VTI1A: variants seen among roughly 807,000 people sequenced by gnomAD.
VTI1A encodes vesicle transport through interaction with t-SNAREs 1A.
In VTI1A, 22 loss-of-function variants were observed where a neutral mutation model predicts 34.9. The observed-to-expected ratio is 0.63, with a 90% CI of 0.45 to 0.90. The LOEUF is 0.90. Ranked by LOEUF, VTI1A falls within the 40% of genes least tolerant of loss-of-function variation. VTI1A has a pLI of 0.00. For synonymous variants in VTI1A, 87 were observed against 97.3 expected, an observed-to-expected ratio of 0.89 and a Z score of 0.62; for missense variants, 268 against 275.6, an observed-to-expected ratio of 0.97 and a Z score of 0.20.
intron 3 of VTI1A, among the ~76,000 whole-genome samples, chr10:112,479,666 G>C (rs1045663194): frequency 6.6e-6 from 1 of 152,036 alleles, no homozygotes; most frequent in Admixed American, 6.5e-5. Context: ...CCACCTTCCC[G>C]TAACTCATCC....
chr10:112,611,759 T>TTTTTTTTTTTTTTTTTTTTTGG (rs1845322951), intron 5 of VTI1A, among the ~76,000 whole-genome samples: 1 of 91,940 alleles, frequency 1.1e-5, no homozygotes, highest in African/African-American at 4.0e-5. Flanking sequence ...TTTTTTTTTT[T>TTTTTTTTTTTTTTTTTTTTTGG]GTGACGGAGT....
At chr10:112,829,851 C>T in the VTI1A span, among the ~76,000 whole-genome samples, 2 of 152,148 alleles carry the variant, frequency 1.3e-5, no homozygotes, top group Non-Finnish European at 2.9e-5. Flanking sequence ...CTCATAACAA[C>T]ATCTGTGGGA....
chr10:112,644,034 A>T (rs568473752), intron 5 of VTI1A, among the ~76,000 whole-genome samples: 1 of 152,110 alleles, frequency 6.6e-6, no homozygotes, highest in East Asian at 1.9e-4. Context: ...TTGTGATGTG[A>T]TTGAATCATA....
intron 7 of VTI1A, among the ~76,000 whole-genome samples, chr10:112,697,195 CTTT>C (rs757143967): frequency 3.6e-5 from 5 of 140,094 alleles, no homozygotes; most frequent in Non-Finnish European, 3.1e-5. Flanking sequence ...TTCTTCTGTT[CTTT>C]TTTTTTTTTT....
At chr10:112,699,555 G>A (rs143932653) in intron 7 of VTI1A, among the ~76,000 whole-genome samples, 44 of 152,324 alleles carry the variant, frequency 2.9e-4, no homozygotes, top group African/African-American at 9.4e-4. Flanking sequence ...GGGAGGAGCC[G>A]GGCATGGTGG....
chr10:112,791,114 T>C (rs1239989267), intron 7 of VTI1A, among the ~76,000 whole-genome samples: 1 of 152,212 alleles, frequency 6.6e-6, no homozygotes, highest in Non-Finnish European at 1.5e-5. Flanking sequence ...TCCAGGCAGC[T>C]CTTGGCCCAT....
intron 1 of VTI1A, among the ~76,000 whole-genome samples, chr10:112,447,706 T>C (rs1265726461): frequency 6.6e-6 from 1 of 152,178 alleles, no homozygotes; most frequent in Non-Finnish European, 1.5e-5. Context: ...GGCTCTACCT[T>C]CTTGTAACTT....
At chr10:112,553,674 C>T (rs1465358897) in intron 5 of VTI1A, among the ~76,000 whole-genome samples, 1 of 152,194 alleles carries the variant, frequency 6.6e-6, no homozygotes, top group Non-Finnish European at 1.5e-5. Context: ...TTACCTTTAG[C>T]CAGCAGCTAG....
At chr10:112,520,775 GC>G (rs1258319420) in intron 3 of VTI1A, among the ~76,000 whole-genome samples, 1 of 151,532 alleles carries the variant, frequency 6.6e-6, no homozygotes, top group Non-Finnish European at 1.5e-5. Flanking sequence ...ATTGTTTATA[GC>G]CAAAACATAA....
chr10:112,648,993 AT>A (rs961772079), intron 5 of VTI1A, among the ~76,000 whole-genome samples: 5 of 151,888 alleles, frequency 3.3e-5, no homozygotes, highest in South Asian at 4.2e-4. Context: ...TATTTGGGGT[AT>A]TTTTTTTAAG....
chr10:112,472,584 AG>A (rs1188138502), intron 3 of VTI1A, among the ~76,000 whole-genome samples: 3 of 151,834 alleles, frequency 2.0e-5, no homozygotes, highest in African/African-American at 7.3e-5. Flanking sequence ...CAAATGAGAA[AG>A]GTGAATTTAA....
chr10:112,687,248 T>TG (rs1848446675), intron 7 of VTI1A, among the ~76,000 whole-genome samples: 1 of 138,600 alleles, frequency 7.2e-6, no homozygotes, highest in South Asian at 2.3e-4. Context: ...TTTTTTTTTT[T>TG]TTTGAGACGG....
At chr10:112,785,333 C>T (rs370798470) in intron 7 of VTI1A, among the ~76,000 whole-genome samples, 13 of 152,232 alleles carry the variant, frequency 8.5e-5, no homozygotes, top group Admixed American at 2.6e-4. Context: ...CCCTCCCCAA[C>T]AAAGGCAGCT....
In VTI1A at chr10:112,738,495, G is replaced by T. The variant is rs190625431; in HGVS notation, c.560+69497G>T. Among the ~76,000 whole-genome samples the T allele has an allele frequency of 3.7e-3, 556 of 152,272 alleles. 2 individuals carry two copies. The highest frequency in any genetic ancestry group is 4.8e-3 in the Non-Finnish European group (328 of 68,030). On this transcript the variant is annotated intron_variant, in intron 7 of 7. Coordinates refer to ENST00000393077, the MANE Select transcript of VTI1A (RefSeq NM_145206.4). ...TATCTAGGATTCAGCACAGTTCTTGGTCCTCAGTGAACGGCTGATGAATTG... is the reference window on the plus strand; with the variant it reads ...TATCTAGGATTCAGCACAGTTCTTGTTCCTCAGTGAACGGCTGATGAATTG...
At chr10:112,840,916 G>A in the VTI1A span, among the ~76,000 whole-genome samples, 35 of 152,082 alleles carry the variant, frequency 2.3e-4, no homozygotes, top group African/African-American at 4.3e-4. Context: ...GTTGTTAAGC[G>A]GAGAAGACTA....
chr10:112,599,755 T>C (rs1375774538), intron 5 of VTI1A, among the ~76,000 whole-genome samples: 2 of 152,102 alleles, frequency 1.3e-5, no homozygotes, highest in African/African-American at 2.4e-5. Context: ...AATTTTTAAA[T>C]TTTTTGTCAA....
chr10:112,517,376 A>G (rs1849816724), intron 3 of VTI1A, among the ~76,000 whole-genome samples: 1 of 152,090 alleles, frequency 6.6e-6, no homozygotes, highest in African/African-American at 2.4e-5. Flanking sequence ...AATAGCCATG[A>G]TGCCAGACTG....
chr10:112,576,106 C>T (rs1161217012), intron 5 of VTI1A, among the ~76,000 whole-genome samples: 4 of 151,316 alleles, frequency 2.6e-5, no homozygotes, highest in African/African-American at 9.7e-5. Context: ...CTGCAAGCTC[C>T]GCCTCCCGGG....
chr10:112,774,158 G>A (rs1851892724), intron 7 of VTI1A, among the ~76,000 whole-genome samples: 1 of 152,224 alleles, frequency 6.6e-6, no homozygotes, highest in Non-Finnish European at 1.5e-5. Context: ...TGGAGAAAAT[G>A]TCACAAAAAG....
Sources: allele counts gnomAD v4.1 joint callset (sites outside exome capture counted in the v4.1 genomes callset), GRCh38; gene constraint gnomAD v4.1.1; transcripts MANE v1.5; gene names NCBI Gene and HGNC (gene_info 2026-07-23, HGNC 2026-07-21).